The following KANK1 variants were observed in gnomAD, a reference collection of about 807,000 sequenced individuals.
The protein encoded by KANK1 is KN motif and ankyrin repeat domain-containing protein 1.
Under a neutral mutation model 106.2 loss-of-function variants are expected in KANK1, and 109 were observed. That is an observed-to-expected ratio of 1.03 (90% CI 0.88 to 1.20). KANK1 has a LOEUF of 1.20. KANK1 is among the 50% of genes most tolerant of loss of function. KANK1 has a pLI of 0.00. For synonymous variants in KANK1, 873 were observed against 652.2 expected (o/e 1.34, Z -5.16); for missense variants, 2,399 against 1,710.7 (o/e 1.40, Z -7.10).
At chr9:652,131 T>C (rs1440950674) in intron 1 of KANK1, among the ~76,000 whole-genome samples, 1 of 152,204 alleles carries the variant, frequency 6.6e-6, no homozygotes, top group Non-Finnish European at 1.5e-5. Flanking sequence ...ATTCATTTCT[T>C]GTAATTTACC....
intron 1 of KANK1, among the ~76,000 whole-genome samples, chr9:526,567 A>C (rs2059801151): frequency 1.3e-5 from 2 of 151,736 alleles, no homozygotes; most frequent in Non-Finnish European, 2.9e-5. Flanking sequence ...TAAAAATTAC[A>C]AAAAATTATT....
chr9:623,649 A>T (rs1833703089), intron 1 of KANK1, among the ~76,000 whole-genome samples: 1 of 152,106 alleles, frequency 6.6e-6, no homozygotes, highest in Non-Finnish European at 1.5e-5. Context: ...ATGGTGCTTG[A>T]CATCACTAAT....
chr9:550,189 C>A (rs753217610), intron 1 of KANK1, among the ~76,000 whole-genome samples: 164 of 152,078 alleles, frequency 1.1e-3, no homozygotes, highest in Non-Finnish European at 1.7e-3. Flanking sequence ...TGGTAGGTTC[C>A]CCCACCCCAA....
intron 2 of KANK1, among the ~76,000 whole-genome samples, chr9:471,876 G>A (rs1412579010): frequency 6.6e-6 from 1 of 152,164 alleles, no homozygotes; most frequent in Non-Finnish European, 1.5e-5. Context: ...GTAGGTGGGT[G>A]TTGCTAGCCA....
At chr9:722,302 A>G (rs1270901251) in intron 3 of KANK1, among the ~76,000 whole-genome samples, 1 of 151,946 alleles carries the variant, frequency 6.6e-6, no homozygotes, top group Non-Finnish European at 1.5e-5. Context: ...TCAACTGCAA[A>G]TAAGTGTTCA....
intron 7 of KANK1, 142 bp from the exon 8 acceptor site, chr9:738,143 T>C: frequency 1.5e-6 from 1 of 657,942 alleles, no homozygotes; most frequent in South Asian, 1.9e-5. Context: ...TTGAAGCTTC[T>C]CTTAGGGCTG....
intron 1 of KANK1, among the ~76,000 whole-genome samples, chr9:577,563 C>T (rs944134987): frequency 3.3e-5 from 5 of 152,188 alleles, no homozygotes; most frequent in Admixed American, 2.6e-4. Context: ...CAGCCGGCTT[C>T]ACCTCTCAGT....
intron 1 of KANK1, among the ~76,000 whole-genome samples, chr9:506,324 G>C (rs1170487008): frequency 1.3e-5 from 2 of 152,180 alleles, no homozygotes; most frequent in African/African-American, 4.8e-5. Context: ...GAAAAATTAA[G>C]TATTGGCTGT....
chr9:573,117 A>T (rs1175765855), intron 1 of KANK1, among the ~76,000 whole-genome samples: 2 of 152,200 alleles, frequency 1.3e-5, no homozygotes, highest in African/African-American at 4.8e-5. Context: ...TGCTGCAGTC[A>T]GTCAAGTGCT....
chr9:530,901 A>G (rs1465073868), intron 1 of KANK1, among the ~76,000 whole-genome samples: 1 of 152,168 alleles, frequency 6.6e-6, no homozygotes, highest in Non-Finnish European at 1.5e-5. Context: ...GGCTGCAGTG[A>G]GTCATGATTG....
At chr9:492,363 C>T (rs1195774479) in intron 3 of KANK1, 5 of 152,178 alleles carry the variant, frequency 3.3e-5, no homozygotes, top group African/African-American at 1.2e-4. Flanking sequence ...CTTAGCCATG[C>T]TGTCGGTACT....
chr9:532,069 G>C (rs1046730208), intron 1 of KANK1, among the ~76,000 whole-genome samples: 15 of 152,158 alleles, frequency 9.9e-5, no homozygotes, highest in African/African-American at 3.4e-4. Context: ...TTATAGACTA[G>C]ACTGTAAAAT....
chr9:690,211 CAGG>C (rs1373623648), intron 2 of KANK1, among the ~76,000 whole-genome samples: 1 of 143,782 alleles, frequency 7.0e-6, no homozygotes, highest in African/African-American at 2.6e-5. Context: ...GAGACTGAGG[CAGG>C]AGAATTGGTT....
intron 1 of KANK1, among the ~76,000 whole-genome samples, chr9:633,424 C>G (rs1389530688): frequency 6.6e-6 from 1 of 152,134 alleles, no homozygotes; most frequent in African/African-American, 2.4e-5. Flanking sequence ...CGCCCCTGCA[C>G]TCCAGCCTGG....
At position 712,314 on chromosome 9, in the gene KANK1, G is replaced by A; in HGVS notation, c.1548G>A (p.Val516=). 6.2e-7 allele frequency: 1 copy of A among 1,614,212 alleles called. No individual in the cohort carries two copies. The change falls in exon 3 of 12, where the codon GTG becomes GTA. Residue 516 remains valine (V), a synonymous_variant. Transcript: ENST00000382297. ...AGCCGCTTGTTTTCAGTAAGGTGGT[G>A]GAGGCAGTGGTGCAGACCAGAGACC... ...MAQPLVFSKV[V]EAVVQTRDQM...
chr9:596,070 A>C (rs1238320688), intron 1 of KANK1, among the ~76,000 whole-genome samples: 4 of 151,830 alleles, frequency 2.6e-5, no homozygotes, highest in African/African-American at 9.7e-5. Flanking sequence ...ACAAAGACTG[A>C]AGGTAACTTT....
chr9:588,402 G>C (rs1047817765), intron 1 of KANK1, among the ~76,000 whole-genome samples: 1 of 152,022 alleles, frequency 6.6e-6, no homozygotes, highest in African/African-American at 2.4e-5. Flanking sequence ...AGGATAAATT[G>C]CCAGAAGTGG....
intron 1 of KANK1, among the ~76,000 whole-genome samples, chr9:556,275 C>T (rs940513656): frequency 6.6e-6 from 1 of 151,986 alleles, no homozygotes; most frequent in African/African-American, 2.4e-5. Context: ...GCATGCATTG[C>T]TTATATAAAA....
chr9:705,101 A>T (rs1321223018), intron 2 of KANK1, among the ~76,000 whole-genome samples: 1 of 152,126 alleles, frequency 6.6e-6, no homozygotes, highest in Non-Finnish European at 1.5e-5. Flanking sequence ...ATAACAACTG[A>T]AACAATATCA....
Sources: allele counts gnomAD v4.1 joint callset (sites outside exome capture counted in the v4.1 genomes callset), GRCh38; gene constraint gnomAD v4.1.1; transcripts MANE v1.5; gene names NCBI Gene and HGNC (gene_info 2026-07-23, HGNC 2026-07-21).